The following KHDRBS2 variants were observed in gnomAD, a reference collection of about 807,000 sequenced individuals.
The protein encoded by KHDRBS2 is KH domain-containing, RNA-binding, signal transduction-associated protein 2.
In KHDRBS2, 26 loss-of-function variants were observed where a neutral mutation model predicts 44.3. That is an observed-to-expected ratio of 0.59 (90% CI 0.43 to 0.81). The LOEUF (loss-of-function observed/expected upper bound fraction) is 0.81. Ranked by LOEUF, KHDRBS2 falls within the 40% of genes least tolerant of loss-of-function variation. The pLI, the probability that KHDRBS2 is intolerant of heterozygous loss-of-function variation, is 0.00. For missense variants in KHDRBS2, 476 were observed against 433.1 expected (o/e 1.10, Z -0.88); for synonymous variants, 194 against 151.1 (o/e 1.28, Z -2.08).
At chr6:61,572,314 T>C in the KHDRBS2 span, among the ~76,000 whole-genome samples, 7 of 152,028 alleles carry the variant, frequency 4.6e-5, no homozygotes, top group African/African-American at 1.2e-4. Flanking sequence ...GTAGCGAGAT[T>C]GAATCAGTAA....
chr6:62,203,669 T>G (rs1827431679), intron 1 of KHDRBS2, among the ~76,000 whole-genome samples: 1 of 152,120 alleles, frequency 6.6e-6, no homozygotes, highest in African/African-American at 2.4e-5. Context: ...GGGGTAGCCA[T>G]AGCTGAATCA....
At chr6:61,645,196 G>T in the KHDRBS2 span, among the ~76,000 whole-genome samples, 1 of 152,064 alleles carries the variant, frequency 6.6e-6, no homozygotes, top group Non-Finnish European at 1.5e-5. Context: ...ACCATACTTA[G>T]CAAACTAATG....
chr6:61,601,319 A>T, the KHDRBS2 span, among the ~76,000 whole-genome samples: 5 of 151,704 alleles, frequency 3.3e-5, no homozygotes, highest in African/African-American at 1.2e-4. Flanking sequence ...CCTTCACTGT[A>T]GGCAAACTTC....
chr6:61,607,974 C>T, the KHDRBS2 span, among the ~76,000 whole-genome samples: 103 of 152,234 alleles, frequency 6.8e-4, 2 homozygotes, highest in East Asian at 0.016. Flanking sequence ...AGGTGTGAGA[C>T]ACCATGCCCG....
At chr6:62,069,835 T>C (rs1460878404) in intron 2 of KHDRBS2, among the ~76,000 whole-genome samples, 1 of 151,804 alleles carries the variant, frequency 6.6e-6, no homozygotes, top group East Asian at 1.9e-4. Context: ...TCATGGTCTG[T>C]GTTTATGTGA....
At chr6:61,863,314 T>C (rs1474822658) in intron 6 of KHDRBS2, among the ~76,000 whole-genome samples, 1 of 151,802 alleles carries the variant, frequency 6.6e-6, no homozygotes, top group Non-Finnish European at 1.5e-5. Flanking sequence ...ATCTTGGTTA[T>C]TTCTTTCTTC....
At chr6:61,589,915 A>G in the KHDRBS2 span, among the ~76,000 whole-genome samples, 1 of 152,152 alleles carries the variant, frequency 6.6e-6, no homozygotes, top group East Asian at 1.9e-4. Context: ...CAACCTTATG[A>G]TATATTTTCA....
chr6:62,090,213 G>A (rs180971417), intron 2 of KHDRBS2, among the ~76,000 whole-genome samples: 4 of 152,248 alleles, frequency 2.6e-5, no homozygotes, highest in Admixed American at 1.3e-4. Flanking sequence ...TTAAGGAAAT[G>A]GCTCCTTCAC....
At chr6:62,112,010 A>G (rs1410332564) in intron 2 of KHDRBS2, among the ~76,000 whole-genome samples, 1 of 152,188 alleles carries the variant, frequency 6.6e-6, no homozygotes, top group Non-Finnish European at 1.5e-5. Flanking sequence ...CTACTAGTCC[A>G]TGAACCATAC....
In KHDRBS2 at chr6:61,771,334, C is replaced by T. The variant is rs570108205; in HGVS notation, c.811-38570G>A. Among the ~76,000 whole-genome samples, 191 of 152,156 alleles carry T rather than the reference C, an allele frequency of 1.3e-3. 1 individual carries two copies. The highest frequency in any genetic ancestry group is 0.01 in the South Asian group (49 of 4,822). On this transcript the variant is annotated intron_variant, in intron 6 of 8. Transcript: ENST00000281156. Reference sequence around the variant, plus strand: ...ATGACAGGATCAAATTCACACATAACAATATTAACTTTAAATGTAAATGGG... The same window carrying T: ...ATGACAGGATCAAATTCACACATAATAATATTAACTTTAAATGTAAATGGG...
chr6:61,975,029 C>T (rs1207333357), intron 4 of KHDRBS2, among the ~76,000 whole-genome samples: 3 of 151,784 alleles, frequency 2.0e-5, no homozygotes, highest in Non-Finnish European at 4.4e-5. Context: ...GAAATTTTCC[C>T]CAAGGCAATA....
intron 4 of KHDRBS2, among the ~76,000 whole-genome samples, chr6:61,917,226 A>G (rs957592216): frequency 6.6e-6 from 1 of 151,814 alleles, no homozygotes; most frequent in African/African-American, 2.4e-5. Flanking sequence ...GGACAAGTAA[A>G]CTGTGTGCAT....
chr6:61,719,152 AT>A lies in KHDRBS2; in HGVS notation c.893+13529del, dbSNP rs1771932659. On this transcript the variant is annotated intron_variant, in intron 7 of 8. Coordinates refer to ENST00000281156, the MANE Select transcript of KHDRBS2 (RefSeq NM_152688.4). Reference sequence around the variant, plus strand: ...GAAAAGCAAAGACTTCCATTTAAATATTTTGCCTATTATACCAATCTACAGT... The same window carrying A: ...GAAAAGCAAAGACTTCCATTTAAATATTTGCCTATTATACCAATCTACAGT... 1.3e-5 allele frequency among the ~76,000 whole-genome samples: 2 copies of A among 152,114 alleles called. 1 individual carries two copies.
chr6:62,032,907 T>C (rs1784611260), intron 3 of KHDRBS2, among the ~76,000 whole-genome samples: 1 of 151,930 alleles, frequency 6.6e-6, no homozygotes, highest in African/African-American at 2.4e-5. Context: ...CAGAGATATG[T>C]GACCTTTCAG....
chr6:62,278,619 T>C (rs915667397), intron 1 of KHDRBS2, among the ~76,000 whole-genome samples: 1 of 152,286 alleles, frequency 6.6e-6, no homozygotes, highest in South Asian at 2.1e-4. Flanking sequence ...CATAAATGAA[T>C]GCGGATGGGA....
chr6:61,625,225 G>C, the KHDRBS2 span, among the ~76,000 whole-genome samples: 7 of 151,550 alleles, frequency 4.6e-5, no homozygotes, highest in African/African-American at 1.7e-4. Flanking sequence ...CATGTCACCA[G>C]GTAAACGAGC....
intron 3 of KHDRBS2, among the ~76,000 whole-genome samples, chr6:62,034,978 G>A (rs1278183774): frequency 6.6e-6 from 1 of 151,840 alleles, no homozygotes; most frequent in Non-Finnish European, 1.5e-5. Context: ...TCAGTAGTTG[G>A]GCAATAATTA....
intron 2 of KHDRBS2, among the ~76,000 whole-genome samples, chr6:62,068,343 TTATA>T (rs1794226342): frequency 1.3e-5 from 2 of 151,662 alleles, no homozygotes; most frequent in South Asian, 4.1e-4. Context: ...TCTATGCAGA[TTATA>T]TATCCAGTTT....
chr6:62,282,364 T>C (rs558386099), intron 1 of KHDRBS2, among the ~76,000 whole-genome samples: 2 of 152,280 alleles, frequency 1.3e-5, no homozygotes, highest in South Asian at 4.1e-4. Context: ...TGCTGGAATA[T>C]TTGGCAATAT....
Sources: gnomAD v4.1 joint callset for allele counts (sites outside exome capture counted in the v4.1 genomes callset) on GRCh38, gnomAD v4.1.1 for gene constraint, MANE v1.5 for transcripts, NCBI Gene and HGNC (gene_info 2026-07-23, HGNC 2026-07-21) for gene names.